Variants in TBXAS1 observed in about 807,000 individuals in gnomAD.
The protein encoded by TBXAS1 is thromboxane A synthase 1.
A neutral mutation model predicts 60.7 loss-of-function variants in TBXAS1; 48 were observed. That is an observed-to-expected ratio of 0.79 (90% CI 0.63 to 1.01). The LOEUF is 1.01. Ranked by LOEUF, TBXAS1 falls within the 50% of genes least tolerant of loss-of-function variation. The pLI is 0.00. For synonymous variants in TBXAS1, 287 were observed against 269.7 expected (o/e 1.06, Z -0.63); for missense variants, 685 against 686.3 (o/e 1.00, Z 0.02).
At chr7:139,868,535 G>A (rs111551304) in intron 1 of TBXAS1, among the ~76,000 whole-genome samples, 24 of 151,148 alleles carry the variant, frequency 1.6e-4, no homozygotes, top group African/African-American at 5.6e-4. Flanking sequence ...CCAGGCTGGA[G>A]TGTACTGGTA....
intron 4 of TBXAS1, among the ~76,000 whole-genome samples, chr7:139,792,952 G>A (rs1030637698): frequency 1.3e-5 from 2 of 152,180 alleles, no homozygotes; most frequent in African/African-American, 4.8e-5. Context: ...GGGTCATGTG[G>A]CTGTTTGTCT....
chr7:139,875,804 A>G, intron 3 of TBXAS1, 167 bp downstream of exon 3: 1 of 905,590 alleles, frequency 1.1e-6, no homozygotes, highest in Non-Finnish European at 1.7e-6. Context: ...CAGTACAGAC[A>G]AGGCTTCTAG....
rs1161095950 is a variant in TBXAS1, at chr7:139,778,569, G to A, written c.-318+98G>A. 6.6e-6 allele frequency: 1 copy of A among 152,328 alleles called. No homozygotes were observed. Among genetic ancestry groups the A allele is most frequent in the Non-Finnish European group, 1.5e-5 (1 of 68,112 alleles). 9.4% of individuals were successfully genotyped at this position (152,328 alleles called of 1,614,324 possible). A position where few individuals can be genotyped will look rare whatever the true frequency, so the allele number is the denominator to read the frequency against. ...CTTCGGAAAGCCACACGAGGTCAGAGGCACCGAAGCCCTGCCGTGCACGCC... is the reference window on the plus strand; with the variant it reads ...CTTCGGAAAGCCACACGAGGTCAGAAGCACCGAAGCCCTGCCGTGCACGCC... On this transcript the variant is annotated intron_variant, in intron 1 of 16. Transcript: ENST00000336425. The surrounding 1 kb of genome is among the most constrained non-coding windows in gnomAD (Gnocchi z 4.8).
At chr7:139,891,193 T>A (rs534636842) in intron 3 of TBXAS1, among the ~76,000 whole-genome samples, 1 of 152,024 alleles carries the variant, frequency 6.6e-6, no homozygotes, top group South Asian at 2.1e-4. Flanking sequence ...TCTACGGACC[T>A]GTGGGAGAAC....
At chr7:140,008,167 C>A (rs926319841) in intron 10 of TBXAS1, among the ~76,000 whole-genome samples, 3 of 152,340 alleles carry the variant, frequency 2.0e-5, no homozygotes, top group South Asian at 2.1e-4. Flanking sequence ...TTGAGGGTAT[C>A]TCAAAACGAT....
At position 140,020,052 on chromosome 7, in the gene TBXAS1, G is replaced by C; in HGVS notation, c.1555G>C (p.Ala519Pro). 1.2e-6 allele frequency: 2 copies of C among 1,613,564 alleles called. No individual in the cohort carries two copies. The highest frequency in any genetic ancestry group is 1.7e-6 in the Non-Finnish European group (2 of 1,179,926). ...ACCGCTGCAGCTAGAATCCAAATCT[G>C]CCCTAGGTCCAAAAAATGGTGTCTA... is the stretch of plus-strand genomic sequence containing the variant. ...QVPLQLESKS[A>P]LGPKNGVYIK... The change falls in exon 13 of 13, where the codon GCC becomes CCC. Residue 519 changes from alanine to proline, a missense_variant. Physicochemically the swap from Ala to Pro is conservative, Grantham distance 27. Transcript: ENST00000448866.
At chr7:140,018,893 G>C (rs536527708) in intron 12 of TBXAS1, among the ~76,000 whole-genome samples, 4 of 151,986 alleles carry the variant, frequency 2.6e-5, no homozygotes, top group Non-Finnish European at 5.9e-5. Flanking sequence ...AGAGAAACGG[G>C]GGTCCTCACC....
intron 11 of TBXAS1, chr7:140,016,931 G>A (rs1811060253): frequency 6.6e-6 from 1 of 152,486 alleles, no homozygotes; most frequent in Admixed American, 6.5e-5. Flanking sequence ...GCAGCCACAG[G>A]GCTTACAGCC....
At chr7:139,805,712 TTCTC>T (rs1554466260) in intron 4 of TBXAS1, among the ~76,000 whole-genome samples, 1 of 44,318 alleles carries the variant, frequency 2.3e-5, no homozygotes, top group Non-Finnish European at 4.7e-5. Context: ...CTTTCTTTCT[TTCTC>T]TCTCTCTCTC....
intron 5 of TBXAS1, among the ~76,000 whole-genome samples, chr7:139,949,985 C>G (rs1029671772): frequency 6.6e-6 from 1 of 151,442 alleles, no homozygotes; most frequent in African/African-American, 2.4e-5. Context: ...GGCACACTTA[C>G]TACATTGCAG....
intron 4 of TBXAS1, among the ~76,000 whole-genome samples, chr7:139,809,365 T>TAGATAGATAGATAGAC: frequency 7.3e-6 from 1 of 137,040 alleles, no homozygotes; most frequent in African/African-American, 2.7e-5. Flanking sequence ...GATAGATAGA[T>TAGATAGATAGATAGAC]AGACAGACAG....
At chr7:140,009,126 G>A (rs1026139233) in intron 10 of TBXAS1, among the ~76,000 whole-genome samples, 3 of 152,184 alleles carry the variant, frequency 2.0e-5, no homozygotes, top group Admixed American at 6.5e-5. Flanking sequence ...ATGAAAATGC[G>A]GTGGCCGATT....
chr7:139,828,204 G>C (rs1798500224), upstream of TBXAS1, among the ~76,000 whole-genome samples: 1 of 152,036 alleles, frequency 6.6e-6, no homozygotes, highest in Admixed American at 6.5e-5. Context: ...TGTCTTTGTT[G>C]AATTGGGTTA....
chr7:140,005,287 G>T (rs1289578915), intron 9 of TBXAS1, among the ~76,000 whole-genome samples: 1 of 152,144 alleles, frequency 6.6e-6, no homozygotes, highest in African/African-American at 2.4e-5. Context: ...AAGTTAGCCA[G>T]GCATGGTGGC....
intron 9 of TBXAS1, among the ~76,000 whole-genome samples, chr7:139,984,406 T>A (rs1569522216): frequency 1.3e-5 from 2 of 151,998 alleles, no homozygotes; most frequent in Non-Finnish European, 2.9e-5. Flanking sequence ...CCTGCCACAA[T>A]GCCTCTGCTC....
In TBXAS1 at chr7:139,953,353, GTTATCCA is replaced by G. The variant is rs1569518651; in HGVS notation, c.451-9_451-3del. ...GGCATGGTGCCCTAATTACACCTTTGTTATCCATTATCAGATGGTTCCCCTCATCAGC... is the reference window on the plus strand; with the variant it reads ...GGCATGGTGCCCTAATTACACCTTTGTTATCAGATGGTTCCCCTCATCAGC... On this transcript the variant is annotated splice_polypyrimidine_tract_variant and splice_region_variant and intron_variant, in intron 5 of 12. Coordinates refer to ENST00000448866, the MANE Select transcript of TBXAS1 (RefSeq NM_001061.7). 3 of 1,609,546 alleles carry G rather than the reference GTTATCCA, an allele frequency of 1.9e-6. No individual in the cohort carries two copies. The African/African-American group carries it at 4.0e-5, about 22-fold the overall frequency.
chr7:139,809,550 C>A (rs1028946923), intron 4 of TBXAS1, among the ~76,000 whole-genome samples: 4 of 152,160 alleles, frequency 2.6e-5, no homozygotes, highest in African/African-American at 9.7e-5. Flanking sequence ...CAGCATGGCT[C>A]AGTCCCCGTC....
At position 140,007,086 on chromosome 7, in the gene TBXAS1, A is replaced by G. The variant is rs889606968; in HGVS notation, c.1135-5A>G. 7 of 1,613,966 alleles carry G rather than the reference A, an allele frequency of 4.3e-6. No homozygotes were observed. The highest frequency in any genetic ancestry group is 5.9e-6 in the Non-Finnish European group (7 of 1,179,826). On this transcript the variant is annotated splice_polypyrimidine_tract_variant and splice_region_variant and intron_variant, in intron 9 of 12. Coordinates refer to ENST00000448866, the MANE Select transcript of TBXAS1 (RefSeq NM_001061.7). ...CTTCTCCCTTTGTCACGACCCCTCC[A>G]TCAGATGGCCCCTGAGTTCTGCAGC... is the stretch of plus-strand genomic sequence containing the variant.
intron 9 of TBXAS1, among the ~76,000 whole-genome samples, chr7:139,972,873 A>AG (rs750537441): frequency 1.3e-5 from 2 of 152,198 alleles, no homozygotes; most frequent in Non-Finnish European, 2.9e-5. Flanking sequence ...CGTGAGAAAT[A>AG]GGTGTTGAGA....
Sources: gnomAD v4.1 joint callset for allele counts (sites outside exome capture counted in the v4.1 genomes callset) on GRCh38, gnomAD v4.1.1 for gene constraint, Gnocchi (gnomAD v3.1) non-coding constraint, MANE v1.5 for transcripts, NCBI Gene and HGNC (gene_info 2026-07-23, HGNC 2026-07-21) for gene names.